The following CADPS variants were observed in gnomAD, a reference collection of about 807,000 sequenced individuals.
CADPS encodes calcium-dependent secretion activator 1.
A neutral mutation model predicts 167.3 loss-of-function variants in CADPS; 57 were observed. The ratio of observed to expected loss-of-function variants is 0.34; its 90% CI spans 0.28 to 0.42. The LOEUF (loss-of-function observed/expected upper bound fraction) is 0.42. Among genes scored for constraint, CADPS ranks in the 20% least tolerant of loss-of-function variants. CADPS has a pLI of 1.00. For synonymous variants in CADPS, 676 were observed against 635.3 expected, an observed-to-expected ratio of 1.06 and a Z score of -0.96; for missense variants, 1,414 against 1,738.1, an observed-to-expected ratio of 0.81 and a Z score of 3.32.
chr3:62,483,246 T>C (rs1481181435), intron 21 of CADPS, among the ~76,000 whole-genome samples: 1 of 150,392 alleles, frequency 6.6e-6, no homozygotes, highest in Non-Finnish European at 1.5e-5. Flanking sequence ...GCAAGCTGTG[T>C]TTGACTAACA....
At chr3:62,715,753 C>CTTTTTTTTTTTTTTTTTTT (rs71123291) in intron 3 of CADPS, among the ~76,000 whole-genome samples, 1 of 89,716 alleles carries the variant, frequency 1.1e-5, no homozygotes, top group Non-Finnish European at 2.0e-5. Flanking sequence ...GATTATAAAT[C>CTTTTTTTTTTTTTTTTTTT]TTTTTTTTTT....
chr3:62,731,614 A>T (rs189790947), intron 3 of CADPS, among the ~76,000 whole-genome samples: 1 of 152,140 alleles, frequency 6.6e-6, no homozygotes, highest in East Asian at 1.9e-4. Flanking sequence ...AGCCATCACA[A>T]GTACTAGCTC....
intron 3 of CADPS, among the ~76,000 whole-genome samples, chr3:62,690,422 T>C (rs559054328): frequency 2.0e-5 from 3 of 152,162 alleles, no homozygotes; most frequent in African/African-American, 4.8e-5. Flanking sequence ...GTGTGAACTT[T>C]TTCAGCATTA....
intron 3 of CADPS, among the ~76,000 whole-genome samples, chr3:62,752,219 G>A (rs967231544): frequency 1.3e-4 from 20 of 151,974 alleles, no homozygotes; most frequent in Non-Finnish European, 2.6e-4. Flanking sequence ...CTACATGGTG[G>A]GATGTAGTAA....
chr3:62,645,819 G>A lies in CADPS; in HGVS notation c.1228C>T (p.Leu410Phe). Residue 410 changes from leucine to phenylalanine, a missense_variant, in exon 6 of 30, where the codon CTC becomes TTC. Around this residue, in one of 6 missense-constraint regions of CADPS, gnomAD observed 522 missense variants for 559.5 expected, o/e 0.93. Coordinates refer to ENST00000383710, the MANE Select transcript of CADPS (RefSeq NM_003716.4). ...LEVVIMEVQG[L>F]KSLAPNRIVY... ...ATGCGATTTGGAGCCAAAGATTTGA[G>A]GCCTTGGACTTCCATAATTACCACC... 6.2e-7 allele frequency: 1 copy of A among 1,614,054 alleles called. No individual in the cohort carries two copies. The highest frequency in any genetic ancestry group is 8.5e-7 in the Non-Finnish European group (1 of 1,179,960).
intron 3 of CADPS, among the ~76,000 whole-genome samples, chr3:62,718,733 C>T (rs1166376878): frequency 6.6e-6 from 1 of 152,230 alleles, no homozygotes; most frequent in Non-Finnish European, 1.5e-5. Flanking sequence ...AACCCACATT[C>T]CCAGGAGGGA....
intron 28 of CADPS, among the ~76,000 whole-genome samples, chr3:62,427,797 T>G (rs1039880519): frequency 2.0e-5 from 3 of 152,210 alleles, no homozygotes; most frequent in Non-Finnish European, 4.4e-5. Flanking sequence ...AAGATGATTT[T>G]AAAGAAATTT....
chr3:62,586,709 C>T lies in CADPS; in HGVS notation c.1438-1385G>A, dbSNP rs1205578669. On this transcript the variant is annotated intron_variant, in intron 7 of 29. Transcript: ENST00000383710. Reference sequence around the variant, plus strand: ...AAAGCCTGATTTTTCAGAACAGAGGCTGTCAATGTTTTTTGATCATGCCCT... The same window carrying T: ...AAAGCCTGATTTTTCAGAACAGAGGTTGTCAATGTTTTTTGATCATGCCCT... 3.9e-5 allele frequency among the ~76,000 whole-genome samples: 6 copies of T among 152,304 alleles called. No individual in the cohort carries two copies. In the East Asian group the frequency reaches 9.6e-4, roughly 24 times the overall value.
intron 6 of CADPS, among the ~76,000 whole-genome samples, chr3:62,619,355 A>G (rs2149444629): frequency 6.6e-6 from 1 of 152,178 alleles, no homozygotes; most frequent in Non-Finnish European, 1.5e-5. Context: ...ATCCCACACA[A>G]CAAGCACACC....
chr3:62,524,674 A>C (rs1048749647), intron 13 of CADPS, among the ~76,000 whole-genome samples: 2 of 152,208 alleles, frequency 1.3e-5, no homozygotes, highest in African/African-American at 4.8e-5. Flanking sequence ...TTAAAGGATG[A>C]AAGTCGTGGA....
intron 9 of CADPS, among the ~76,000 whole-genome samples, chr3:62,561,078 C>CAAAAAAAAAAA (rs34584073): frequency 2.4e-5 from 2 of 83,576 alleles, no homozygotes; most frequent in South Asian, 1.1e-3. Context: ...AACTCCATCT[C>CAAAAAAAAAAA]AAAAAAAAAA....
At chr3:62,603,859 CT>C (rs1163887245) in intron 6 of CADPS, among the ~76,000 whole-genome samples, 2 of 151,926 alleles carry the variant, frequency 1.3e-5, no homozygotes, top group Non-Finnish European at 2.9e-5. Context: ...CAGAGTCTCG[CT>C]CTGTCACCCA....
At chr3:62,499,350 T>A in intron 17 of CADPS, 82 bp from the exon 18 acceptor site, 1 of 820,518 alleles carries the variant, frequency 1.2e-6, no homozygotes. Context: ...GATAAGAAAT[T>A]GAGAATAGTT....
chr3:62,616,535 T>G (rs1280511345), intron 6 of CADPS, among the ~76,000 whole-genome samples: 1 of 152,284 alleles, frequency 6.6e-6, no homozygotes, highest in Non-Finnish European at 1.5e-5. Flanking sequence ...TGGAGTTAAA[T>G]TGTAATTTGC....
intron 3 of CADPS, among the ~76,000 whole-genome samples, chr3:62,700,597 G>A (rs374372288): frequency 6.6e-6 from 1 of 152,066 alleles, no homozygotes; most frequent in African/African-American, 2.4e-5. Flanking sequence ...TGACATTAAA[G>A]TGAGAACTCT....
At chr3:62,827,294 A>G (rs1420875828) in intron 1 of CADPS, among the ~76,000 whole-genome samples, 1 of 152,182 alleles carries the variant, frequency 6.6e-6, no homozygotes, top group Non-Finnish European at 1.5e-5. Flanking sequence ...TTCAAGCAAA[A>G]GTTGTAAAGA....
chr3:62,812,257 T>C (rs2094426574), intron 1 of CADPS, among the ~76,000 whole-genome samples: 1 of 152,190 alleles, frequency 6.6e-6, no homozygotes, highest in African/African-American at 2.4e-5. Context: ...GTGTACATTT[T>C]ATACAATGTG....
chr3:62,439,148 T>C (rs945676925), intron 27 of CADPS: 20 of 152,306 alleles, frequency 1.3e-4, no homozygotes, highest in Admixed American at 5.2e-4. Flanking sequence ...TATATATGTC[T>C]GCTAATAACT....
At chr3:62,825,073 A>G (rs2073788354) in intron 1 of CADPS, among the ~76,000 whole-genome samples, 1 of 152,154 alleles carries the variant, frequency 6.6e-6, no homozygotes, top group Admixed American at 6.6e-5. Context: ...TTGGCTATGG[A>G]CACTTGTCAT....
Sources: allele counts gnomAD v4.1 joint callset (sites outside exome capture counted in the v4.1 genomes callset), GRCh38; gene constraint gnomAD v4.1.1; regional missense constraint gnomAD v4.1.1; transcripts MANE v1.5; gene names NCBI Gene and HGNC (gene_info 2026-07-23, HGNC 2026-07-21).